The following IGSF9B variants were observed in gnomAD, a reference collection of about 807,000 sequenced individuals.
The protein encoded by IGSF9B is immunoglobulin superfamily member 9B.
In IGSF9B, 48 loss-of-function variants were observed where a neutral mutation model predicts 143.7. The observed-to-expected ratio is 0.33, with a 90% confidence interval of 0.26 to 0.42. The LOEUF is 0.42. IGSF9B is among the 20% of genes least tolerant of loss of function. The probability of loss-of-function intolerance (pLI) is 1.00; values close to 1 mark genes in which losing one functional copy is unlikely to be tolerated. For synonymous variants in IGSF9B, 903 were observed against 833.1 expected (o/e 1.08, Z -1.44); for missense variants, 1,706 against 1,980.0 (o/e 0.86, Z 2.63).
chr11:133,930,103 GAAACACTCTCTCCTA>G, intron 11 of IGSF9B, among the ~76,000 whole-genome samples: 1 of 152,096 alleles, frequency 6.6e-6, no homozygotes, highest in Non-Finnish European at 1.5e-5. Flanking sequence ...GGTGAGCACA[GAAACACTCTCTCCTA>G]AGGCGGCAGG....
chr11:133,934,588 A>G (rs928566709), intron 7 of IGSF9B, among the ~76,000 whole-genome samples: 2 of 152,190 alleles, frequency 1.3e-5, no homozygotes, highest in African/African-American at 4.8e-5. Context: ...GATGCACTCC[A>G]TAGAGAGGAA....
intron 7 of IGSF9B, among the ~76,000 whole-genome samples, chr11:133,935,050 C>T (rs1939797285): frequency 6.6e-6 from 1 of 152,220 alleles, no homozygotes; most frequent in Non-Finnish European, 1.5e-5. Flanking sequence ...GGTGCTTGCA[C>T]AAAAGCCCTC....
In IGSF9B at chr11:133,922,805, AGTG is replaced by A; in HGVS notation, c.2120-78_2120-76del. 4 of 1,368,412 alleles carry A rather than the reference AGTG, an allele frequency of 2.9e-6. No homozygotes were observed. In the South Asian group the frequency reaches 5.5e-5, roughly 19 times the overall value. The allele number at this position is 1,368,412 out of a possible 1,614,324, so 84.8% of individuals were successfully genotyped here. ...CACCTGCTCCGACCTTCAGTCCCCAAGTGTTTCACCCTGCCTTTGTAGAACAGA... is the reference window on the plus strand; with the variant it reads ...CACCTGCTCCGACCTTCAGTCCCCAATTTCACCCTGCCTTTGTAGAACAGA... On this transcript the variant is annotated intron_variant, in intron 15 of 19. Transcript: ENST00000533871.
At chr11:133,929,853 T>C in intron 11 of IGSF9B, 71 bp from the exon 12 acceptor site, 2 of 1,018,296 alleles carry the variant, frequency 2.0e-6, no homozygotes, top group South Asian at 2.6e-5. Context: ...ACCGTCTGGC[T>C]GTGGGGAACC....
rs1401153571 is a variant in IGSF9B at position 133,902,297 on chromosome 11, T to C, written c.*6772A>G. 1.9e-5 allele frequency among the ~76,000 whole-genome samples: 2 copies of C among 106,232 alleles called. No homozygotes were observed. Among genetic ancestry groups the C allele is most frequent in the African/African-American group, 7.4e-5 (2 of 26,858 alleles). The allele number at this position is 106,232 out of a possible 152,430, so 69.7% of individuals were successfully genotyped here. ...ACACACACACCAGACACATCACACA[T>C]ACACGCACACCACAGATACACACAC... On this transcript the variant is annotated 3_prime_UTR_variant, in exon 20 of 20. Transcript: ENST00000533871.
chr11:133,918,088 G>A (rs932267925), intron 18 of IGSF9B, among the ~76,000 whole-genome samples: 4 of 151,848 alleles, frequency 2.6e-5, no homozygotes, highest in African/African-American at 7.3e-5. Flanking sequence ...GGTGCCGAGC[G>A]TGGCTCGATG....
At position 133,908,648 on chromosome 11, in the gene IGSF9B, C is replaced by CTA. The variant is rs1359705363; in HGVS notation, c.*419_*420dup. 1 of 176,778 alleles carries CTA rather than the reference C, an allele frequency of 5.7e-6. No individual in the cohort carries two copies. The highest frequency in any genetic ancestry group is 2.4e-5 in the African/African-American group (1 of 42,080). The allele number at this position is 176,778 out of a possible 1,614,324, so 11.0% of individuals were successfully genotyped here. ...CAGACATATGCATCTGTATCTATATCTATATATATGTGGGGTGTGGAAGAT... is the reference window on the plus strand; with the variant it reads ...CAGACATATGCATCTGTATCTATATCTATATATATATGTGGGGTGTGGAAGAT... On this transcript the variant is annotated 3_prime_UTR_variant, in exon 20 of 20. Transcript: ENST00000533871.
At position 133,956,884 on chromosome 11, in the gene IGSF9B, C is replaced by G. The variant is rs1489770976; in HGVS notation, c.-130G>C. 2 of 460,998 alleles carry G rather than the reference C, an allele frequency of 4.3e-6. No individual in the cohort carries two copies. Among genetic ancestry groups the G allele is most frequent in the Non-Finnish European group, 7.3e-6 (2 of 275,302 alleles). The allele number at this position is 460,998 out of a possible 1,614,324, so 28.6% of individuals were successfully genotyped here. Reference sequence around the variant, plus strand: ...ACGCCCCGCGCCGGTGCTCCTGCAGCCCGGGTGGCCAGCTCTCCATCCCTC... The same window carrying G: ...ACGCCCCGCGCCGGTGCTCCTGCAGGCCGGGTGGCCAGCTCTCCATCCCTC... On this transcript the variant is annotated 5_prime_UTR_variant, in exon 1 of 20. Coordinates refer to ENST00000533871, the MANE Select transcript of IGSF9B (RefSeq NM_001277285.4).
chr11:133,938,372 C>T (rs901185987), intron 3 of IGSF9B, among the ~76,000 whole-genome samples: 1 of 152,136 alleles, frequency 6.6e-6, no homozygotes, highest in Non-Finnish European at 1.5e-5. Context: ...GGACACTTGC[C>T]GTCGGAGCCC....
rs536883958 is a variant in IGSF9B, at chr11:133,948,958, C to T, written c.65-2700G>A. On this transcript the variant is annotated intron_variant, in intron 1 of 19. Transcript: ENST00000533871. The surrounding 1 kb of genome is among the most constrained non-coding windows in gnomAD (Gnocchi z 4.7). ...CCGCTGTGAGGCTGCTCATTTGCAC[C>T]GAGCCAGCCTCATTTTCACTGCACA... Among the ~76,000 whole-genome samples, 4 of 152,262 alleles carry T rather than the reference C, an allele frequency of 2.6e-5. No homozygotes were observed. The highest frequency in any genetic ancestry group is 6.5e-5 in the Admixed American group (1 of 15,300).
chr11:133,940,542 G>A (rs1241063150), intron 3 of IGSF9B, among the ~76,000 whole-genome samples: 3 of 136,402 alleles, frequency 2.2e-5, no homozygotes, highest in East Asian at 4.5e-4. Flanking sequence ...CACACACCTC[G>A]CATGTCCTCG....
intron 18 of IGSF9B, among the ~76,000 whole-genome samples, chr11:133,915,645 A>G (rs922285706): frequency 6.6e-6 from 1 of 152,180 alleles, no homozygotes; most frequent in Non-Finnish European, 1.5e-5. Context: ...AGAAGAGCTG[A>G]GGAAAGATGC....
In IGSF9B at chr11:133,945,844, C is replaced by T. The variant is rs937973116; in HGVS notation, c.262+217G>A. ...CTCCCAGCCCTCTCCACAGCCCAGG[C>T]GGTGCTGTTCAGAAGGCTTTACCCT... On this transcript the variant is annotated intron_variant, in intron 2 of 19. Coordinates refer to ENST00000533871, the MANE Select transcript of IGSF9B (RefSeq NM_001277285.4). This position sits in a 1 kb window ranked among gnomAD's most constrained non-coding sequence, Gnocchi z 4.6. 3.9e-5 allele frequency among the ~76,000 whole-genome samples: 6 copies of T among 152,022 alleles called. No individual in the cohort carries two copies. Among genetic ancestry groups the T allele is most frequent in the South Asian group, 2.1e-4 (1 of 4,812 alleles).
chr11:133,945,468 G>A lies in IGSF9B; in HGVS notation c.262+593C>T, dbSNP rs924960911. 2.6e-5 allele frequency among the ~76,000 whole-genome samples: 4 copies of A among 152,082 alleles called. No homozygotes were observed. The highest frequency in any genetic ancestry group is 2.6e-4 in the Admixed American group (4 of 15,278). On this transcript the variant is annotated intron_variant, in intron 2 of 19. Transcript: ENST00000533871. This position sits in a 1 kb window ranked among gnomAD's most constrained non-coding sequence, Gnocchi z 4.6. The stretch of plus-strand genomic sequence containing the variant: ...AACGCTCGCTCAATGACACGCACAC[G>A]CACGCACACACACACCCACGCCCTC...
chr11:133,931,404 C>A lies in IGSF9B; in HGVS notation c.1368+49G>T. On this transcript the variant is annotated intron_variant, in intron 10 of 19. Transcript: ENST00000533871. This position sits in a 1 kb window ranked among gnomAD's most constrained non-coding sequence, Gnocchi z 7.7. ...AACCTCCCCGCAGCCCCAGGGCTCC[C>A]TGGGCCCTCACACCTCCCTGCAGAC... The A allele has an allele frequency of 7.2e-7, 1 of 1,384,904 alleles. No homozygotes were observed. The highest frequency in any genetic ancestry group is 1.0e-6 in the Non-Finnish European group (1 of 983,634). 85.8% of individuals were successfully genotyped at this position (1,384,904 alleles called of 1,614,324 possible).
rs1478614902 is a variant in IGSF9B, at chr11:133,909,190, T to C, written c.4193A>G (p.His1398Arg). ...EAVCLRKKKR[H>R]SRPDPFARLS... ...CCGGGCAAAGGGGTCAGGACGAGAA[T>C]GTCTCTTCTTCTTTCGGAGGCAGAC... The change falls in exon 20 of 20, where the codon CAT becomes CGT. Residue 1398 changes from histidine to arginine, a missense_variant. By Grantham distance (29) the His-to-Arg change is conservative. Coordinates refer to ENST00000533871, the MANE Select transcript of IGSF9B (RefSeq NM_001277285.4). The surrounding 1 kb of genome is among the most constrained non-coding windows in gnomAD (Gnocchi z 4.2). 7 of 1,535,916 alleles carry C rather than the reference T, an allele frequency of 4.6e-6. No individual in the cohort carries two copies. Among genetic ancestry groups the C allele is most frequent in the Non-Finnish European group, 6.1e-6 (7 of 1,146,752 alleles).
At position 133,908,942 on chromosome 11, in the gene IGSF9B, A is replaced by T. The variant is rs1262808649; in HGVS notation, c.*127T>A. 2.5e-6 allele frequency: 2 copies of T among 788,088 alleles called. No individual in the cohort carries two copies. The highest frequency in any genetic ancestry group is 3.4e-5 in the African/African-American group (2 of 58,006). 48.8% of individuals were successfully genotyped at this position (788,088 alleles called of 1,614,324 possible). A position where few individuals can be genotyped will look rare whatever the true frequency, so the allele number is the denominator to read the frequency against. ...GGAGGGAGACACCCGCTCTGGCAAA[A>T]GAGGGGGCATGCAGGACAAAGGTCT... is the stretch of plus-strand genomic sequence containing the variant. On this transcript the variant is annotated 3_prime_UTR_variant, in exon 20 of 20. Coordinates refer to ENST00000533871, the MANE Select transcript of IGSF9B (RefSeq NM_001277285.4).
rs1939088503 is a variant in IGSF9B at position 133,899,784 on chromosome 11, G to A, written c.*9285C>T. The A allele has an allele frequency of 6.6e-6, 1 of 152,262 alleles. No homozygotes were observed. The highest frequency in any genetic ancestry group is 1.5e-5 in the Non-Finnish European group (1 of 68,072). 9.4% of individuals were successfully genotyped at this position (152,262 alleles called of 1,614,324 possible). On this transcript the variant is annotated 3_prime_UTR_variant, in exon 20 of 20. Transcript: ENST00000533871. ...CCTCCCTTGTGCAGAGACCGTGGTG[G>A]TCTGGGAAGGCTTCAAGGTAGGAAG...
Position 133,931,709 on chromosome 11 carries a change from A to C in IGSF9B, c.1197T>G (p.Pro399=). 1 of 1,612,206 alleles carries C rather than the reference A, an allele frequency of 6.2e-7. No homozygotes were observed. Among genetic ancestry groups the C allele is most frequent in the Non-Finnish European group, 8.5e-7 (1 of 1,179,404 alleles). The change falls in exon 9 of 20, where the codon CCT becomes CCG. Residue 399 remains proline (P), a synonymous_variant. Transcript: ENST00000533871. The surrounding 1 kb of genome is among the most constrained non-coding windows in gnomAD (Gnocchi z 7.7). ...GGCCCATGGTCCCCAGAGTGTTGTA[A>C]GGCACACAGGTATAAGTGCCAAGAG... is the stretch of plus-strand genomic sequence containing the variant. ...EEALGTYTCV[P]YNTLGTMGQS... is the part of the protein sequence containing the mutation.
Sources: allele counts gnomAD v4.1 joint callset (sites outside exome capture counted in the v4.1 genomes callset), GRCh38; gene constraint gnomAD v4.1.1; non-coding constraint Gnocchi (gnomAD v3.1); transcripts MANE v1.5; gene names NCBI Gene and HGNC (gene_info 2026-07-23, HGNC 2026-07-21).